NLRP12: variants seen among roughly 807,000 people sequenced by gnomAD.
NLRP12 encodes the protein NLR family pyrin domain containing 12.
A neutral mutation model predicts 91.2 loss-of-function variants in NLRP12; 108 were observed. The ratio of observed to expected loss-of-function variants is 1.18; its 90% CI spans 1.01 to 1.39. The LOEUF (loss-of-function observed/expected upper bound fraction) is 1.39. Among genes scored for constraint, NLRP12 ranks in the 40% most tolerant of loss-of-function variants. NLRP12 has a pLI of 0.00. For synonymous variants in NLRP12, 613 were observed against 566.7 expected (o/e 1.08, Z -1.16); for missense variants, 1,530 against 1,352.7 (o/e 1.13, Z -2.06).
intron 4 of NLRP12, chr19:53,805,841 T>A (rs578076459): frequency 3.6e-6 from 1 of 275,752 alleles, no homozygotes; most frequent in African/African-American, 2.2e-5. Flanking sequence ...CAAAATATCA[T>A]GTTATATATG....
chr19:53,819,375 G>A (rs1405447468), intron 1 of NLRP12, among the ~76,000 whole-genome samples: 2 of 132,840 alleles, frequency 1.5e-5, no homozygotes, highest in Non-Finnish European at 3.1e-5. Flanking sequence ...CTCCCAAGTA[G>A]CTGGGATTAC....
chr19:53,803,934 A>G lies in NLRP12; in HGVS notation c.2585+18T>C. 4 of 1,611,864 alleles carry G rather than the reference A, an allele frequency of 2.5e-6. No individual in the cohort carries two copies. The highest frequency in any genetic ancestry group is 3.4e-6 in the Non-Finnish European group (4 of 1,178,176). On this transcript the variant is annotated intron_variant, in intron 6 of 9. Coordinates refer to ENST00000324134, the MANE Select transcript of NLRP12 (RefSeq NM_144687.4). Reference sequence around the variant, plus strand: ...GAGATTTGCCATTTTATTATAGTTGACCCCAGGAAGAACTCACCACAAAGT... The same window carrying G: ...GAGATTTGCCATTTTATTATAGTTGGCCCCAGGAAGAACTCACCACAAAGT...
In NLRP12 at chr19:53,807,734, A is replaced by T. The variant is rs1346375670; in HGVS notation, c.2073-69T>A. 7 of 1,555,190 alleles carry T rather than the reference A, an allele frequency of 4.5e-6. No homozygotes were observed. In the Admixed American group the frequency reaches 8.4e-5, roughly 19 times the overall value. On this transcript the variant is annotated intron_variant, in intron 3 of 9. Transcript: ENST00000324134. ...TTGACAACTATGGCCTTTGCATGTC[A>T]TTTCACCGTTTATGAAGCATGCTAT...
At chr19:53,805,610 TG>T (rs748342555) in intron 4 of NLRP12, 160 bp from the exon 5 acceptor site, 7 of 733,132 alleles carry the variant, frequency 9.5e-6, no homozygotes. Context: ...CTCTGCCTCC[TG>T]GGTTGAAGCA....
At chr19:53,812,934 G>A (rs920979906) in intron 2 of NLRP12, among the ~76,000 whole-genome samples, 6 of 145,514 alleles carry the variant, frequency 4.1e-5, no homozygotes, top group African/African-American at 1.5e-4. Flanking sequence ...AGGCTGGAGT[G>A]CAGTGGCATG....
chr19:53,798,516 A>G, intron 7 of NLRP12, 103 bp from the exon 8 acceptor site: 1 of 1,111,724 alleles, frequency 9.0e-7, no homozygotes, highest in Non-Finnish European at 1.3e-6. Context: ...ACAGAGGGAC[A>G]GACTCAATCT....
At chr19:53,801,146 A>G (rs1414631956) in intron 7 of NLRP12, 81 bp downstream of exon 7, 2 of 1,335,464 alleles carry the variant, frequency 1.5e-6, no homozygotes, top group Non-Finnish European at 1.1e-6. Flanking sequence ...GAGCAGAGAC[A>G]ACCTGGCCTC....
intron 1 of NLRP12, among the ~76,000 whole-genome samples, chr19:53,823,104 T>TACACACACATATATATACATATAC (rs2092283036): frequency 7.1e-6 from 1 of 141,146 alleles, no homozygotes; most frequent in African/African-American, 2.7e-5. Flanking sequence ...CACACACATA[T>TACACACACATATATATACATATAC]ACACACACAT....
At chr19:53,817,087 C>T (rs1265570489) in intron 1 of NLRP12, among the ~76,000 whole-genome samples, 12 of 148,354 alleles carry the variant, frequency 8.1e-5, no homozygotes, top group Non-Finnish European at 1.3e-4. Flanking sequence ...GTCAGGAGAT[C>T]GAGACCATCC....
In NLRP12 at chr19:53,824,183, C is replaced by T. The variant is rs559143159; in HGVS notation, c.-9G>A. On this transcript the variant is annotated 5_prime_UTR_variant, in exon 1 of 10. Coordinates refer to ENST00000324134, the MANE Select transcript of NLRP12 (RefSeq NM_144687.4). ...CCTGCGGTTCGTAGCATGGGGGTGC[C>T]GTGAGCCCCAAAGGAGAGGACCTGG... is the stretch of plus-strand genomic sequence containing the variant. The T allele has an allele frequency of 4.3e-6, 7 of 1,613,554 alleles. No homozygotes were observed. Among genetic ancestry groups the T allele is most frequent in the Admixed American group, 3.3e-5 (2 of 59,964 alleles).
At position 53,802,430 on chromosome 19, in the gene NLRP12, G is replaced by A. The variant is rs144586100; in HGVS notation, c.2586-1033C>T. ...TATTAAAAATAAATAGAATGCGGCC[G>A]GGCATGGTGGCTCACGCCTGTAATC... On this transcript the variant is annotated intron_variant, in intron 6 of 9. Coordinates refer to ENST00000324134, the MANE Select transcript of NLRP12 (RefSeq NM_144687.4). 3.0e-3 allele frequency among the ~76,000 whole-genome samples: 452 copies of A among 151,790 alleles called. 1 individual carries two copies. Among genetic ancestry groups the A allele is most frequent in the African/African-American group, 0.01 (426 of 41,400 alleles).
intron 2 of NLRP12, among the ~76,000 whole-genome samples, chr19:53,812,227 C>A (rs561631507): frequency 2.0e-5 from 3 of 151,706 alleles, no homozygotes; most frequent in African/African-American, 7.2e-5. Context: ...GCCTGAGCCC[C>A]GCAAAATGCT....
At chr19:53,819,541 G>A (rs568689472) in intron 1 of NLRP12, among the ~76,000 whole-genome samples, 2 of 20,362 alleles carry the variant, frequency 9.8e-5, no homozygotes, top group African/African-American at 2.0e-4. Flanking sequence ...GTATGTATAC[G>A]TATATATATG....
chr19:53,805,046 AGGT>A (rs1345329956), intron 5 of NLRP12, among the ~76,000 whole-genome samples: 1 of 152,006 alleles, frequency 6.6e-6, no homozygotes, highest in Non-Finnish European at 1.5e-5. Context: ...AAAAAAGAAG[AGGT>A]GGGGGATGGC....
intron 1 of NLRP12, among the ~76,000 whole-genome samples, chr19:53,815,607 A>G (rs1246059932): frequency 1.4e-5 from 2 of 144,448 alleles, no homozygotes; most frequent in Non-Finnish European, 3.1e-5. Context: ...CTCATCCATT[A>G]TCTTTTCTTT....
chr19:53,801,239 A>C lies in NLRP12; in HGVS notation c.2744T>G (p.Leu915Arg). The change falls in exon 7 of 10, where the codon CTC becomes CGC. Residue 915 changes from leucine (L) to arginine (R), a missense_variant. Coordinates refer to ENST00000324134, the MANE Select transcript of NLRP12 (RefSeq NM_144687.4). ...CEGLRHPTCK[L>R]QTLRLGICRL... ...AAACGGGACTCACCGCAGGGTCTGG[A>C]GCTTGCACGTGGGATGCCTGAGGCC... is the stretch of plus-strand genomic sequence containing the variant. The C allele has an allele frequency of 6.2e-7, 1 of 1,613,778 alleles. No individual in the cohort carries two copies. The highest frequency in any genetic ancestry group is 8.5e-7 in the Non-Finnish European group (1 of 1,179,948).
chr19:53,798,519 C>T lies in NLRP12; in HGVS notation c.2757-106G>A, dbSNP rs1035104328. The T allele has an allele frequency of 6.8e-5, 74 of 1,083,814 alleles. No homozygotes were observed. The African/African-American group carries it at 1.0e-3, about 15-fold the overall frequency. 67.1% of individuals were successfully genotyped at this position (1,083,814 alleles called of 1,614,324 possible). On this transcript the variant is annotated intron_variant, in intron 7 of 9. Transcript: ENST00000324134. ...TGCTGGTTGCAGACAGAGGGACAGA[C>T]TCAATCTCTACCCTTGAGAGACAAA...
At position 53,809,587 on chromosome 19, in the gene NLRP12, A is replaced by C. The variant is rs760012636; in HGVS notation, c.2072T>G (p.Leu691Arg). ...CAGGGGATACCCCAGGGATACTTAC[A>C]GCTGCACCAACAGCGTGTGCGCTCC... ...SAGAHTLLVQ[L>R]PERTVLLDAY... is the part of the protein sequence containing the mutation. The change falls in exon 3 of 10, where the codon CTA (leucine) becomes CGA (arginine). Residue 691 changes from leucine (L) to arginine (R), a missense_variant and splice_region_variant. Coordinates refer to ENST00000324134, the MANE Select transcript of NLRP12 (RefSeq NM_144687.4). 1 of 1,609,426 alleles carries C rather than the reference A, an allele frequency of 6.2e-7. No homozygotes were observed. Among genetic ancestry groups the C allele is most frequent in the South Asian group, 1.1e-5 (1 of 90,932 alleles).
intron 8 of NLRP12, among the ~76,000 whole-genome samples, chr19:53,797,904 A>ATT (rs564064918): frequency 1.4e-5 from 2 of 145,862 alleles, no homozygotes; most frequent in Admixed American, 1.4e-4. Flanking sequence ...AGGCCCGGCT[A>ATT]TTTTTTTTGT....
Sources: allele counts gnomAD v4.1 joint callset (sites outside exome capture counted in the v4.1 genomes callset), GRCh38; gene constraint gnomAD v4.1.1; transcripts MANE v1.5; gene names NCBI Gene and HGNC (gene_info 2026-07-23, HGNC 2026-07-21).